Variants in WWOX observed in about 807,000 individuals in gnomAD.
The protein encoded by WWOX is WW domain containing oxidoreductase, also known as WW domain-containing oxidoreductase.
Under a neutral mutation model 46.2 loss-of-function variants are expected in WWOX, and 69 were observed. That is an observed-to-expected ratio of 1.49 (90% confidence interval 1.23 to 1.82). The LOEUF is 1.82. WWOX is among the 40% of genes most tolerant of loss of function. The pLI is 0.00. For synonymous variants in WWOX, 359 were observed against 202.6 expected (o/e 1.77, Z -6.56); for missense variants, 919 against 542.6 (o/e 1.69, Z -6.89).
chr16:78,728,338 A>AG (rs1250178464), intron 8 of WWOX, among the ~76,000 whole-genome samples: 4 of 151,992 alleles, frequency 2.6e-5, no homozygotes, highest in African/African-American at 7.2e-5. Flanking sequence ...CCAAAGTGCT[A>AG]GGATGATGAT....
At chr16:79,010,506 C>G (rs920729869) in intron 8 of WWOX, among the ~76,000 whole-genome samples, 8 of 152,082 alleles carry the variant, frequency 5.3e-5, no homozygotes, top group Non-Finnish European at 1.5e-5. Flanking sequence ...TGGGGATCCC[C>G]CAGGGAATAA....
At chr16:78,256,479 G>T (rs982425661) in intron 5 of WWOX, among the ~76,000 whole-genome samples, 8 of 151,872 alleles carry the variant, frequency 5.3e-5, no homozygotes, top group Admixed American at 2.0e-4. Context: ...CTCAGTCCAG[G>T]AGAGAAATGT....
At chr16:78,749,316 G>T (rs2049422954) in intron 8 of WWOX, among the ~76,000 whole-genome samples, 1 of 151,730 alleles carries the variant, frequency 6.6e-6, no homozygotes, top group African/African-American at 2.4e-5. Flanking sequence ...AGAGGAAAGG[G>T]GAAAAAAATG....
At chr16:78,190,235 C>G (rs1037229551) in intron 5 of WWOX, among the ~76,000 whole-genome samples, 1 of 152,132 alleles carries the variant, frequency 6.6e-6, no homozygotes, top group African/African-American at 2.4e-5. Context: ...ATCTGAAGGC[C>G]TAGGAGGTGC....
chr16:78,594,464 C>G (rs2045434349), intron 8 of WWOX, among the ~76,000 whole-genome samples: 1 of 124,832 alleles, frequency 8.0e-6, no homozygotes, highest in South Asian at 3.2e-4. Context: ...GTCCCGTTGT[C>G]TCTTGGCTGG....
At chr16:78,808,016 C>T (rs972805540) in intron 8 of WWOX, among the ~76,000 whole-genome samples, 1 of 152,156 alleles carries the variant, frequency 6.6e-6, no homozygotes, top group African/African-American at 2.4e-5. Context: ...GAATTAAAGT[C>T]AACCAGTTCA....
intron 5 of WWOX, chr16:78,355,631 G>A (rs995406166): frequency 1.7e-5 from 10 of 602,728 alleles, no homozygotes; most frequent in Admixed American, 2.0e-5. Context: ...AATGAGAAAC[G>A]ACCGAGAGCT....
chr16:78,383,454 G>C (rs909706833), intron 5 of WWOX, among the ~76,000 whole-genome samples: 2 of 152,174 alleles, frequency 1.3e-5, no homozygotes, highest in African/African-American at 2.4e-5. Context: ...GTCAGTTGCA[G>C]ATTCACTGCC....
chr16:78,771,916 A>G (rs2050074357), intron 8 of WWOX, among the ~76,000 whole-genome samples: 2 of 152,240 alleles, frequency 1.3e-5, no homozygotes, highest in African/African-American at 2.4e-5. Context: ...ATTGTACTAC[A>G]ATAAAAACCA....
chr16:79,031,012 A>T (rs1442417118), intron 8 of WWOX, among the ~76,000 whole-genome samples: 8 of 149,744 alleles, frequency 5.3e-5, no homozygotes, highest in Non-Finnish European at 1.5e-5. Context: ...GAATCACCCG[A>T]GGCTGGGGAG....
At chr16:78,893,032 G>C (rs8048092) in intron 8 of WWOX, among the ~76,000 whole-genome samples, 67,486 of 152,028 alleles carry the variant, frequency 0.44, 15,010 homozygotes, top group Admixed American at 0.49. Context: ...TAGCAGAGCA[G>C]GGGTCCTCAA....
chr16:78,698,063 G>A (rs961446974), intron 8 of WWOX, among the ~76,000 whole-genome samples: 1 of 152,196 alleles, frequency 6.6e-6, no homozygotes, highest in Non-Finnish European at 1.5e-5. Context: ...TACTTAAAAT[G>A]ATGTAAAGTG....
intron 5 of WWOX, among the ~76,000 whole-genome samples, chr16:78,334,952 G>C (rs1034921404): frequency 6.7e-6 from 1 of 150,120 alleles, no homozygotes; most frequent in Non-Finnish European, 1.5e-5. Context: ...AGCAAAATGT[G>C]AGATGGGCGT....
At chr16:78,443,220 A>G (rs1157572425) in intron 8 of WWOX, among the ~76,000 whole-genome samples, 1 of 148,904 alleles carries the variant, frequency 6.7e-6, no homozygotes, top group African/African-American at 2.5e-5. Context: ...CATGAAAATC[A>G]CATGAACCTG....
intron 8 of WWOX, among the ~76,000 whole-genome samples, chr16:79,164,255 C>T (rs9925322): frequency 3.9e-5 from 6 of 152,308 alleles, no homozygotes; most frequent in Non-Finnish European, 7.3e-5. Flanking sequence ...ACCACTACCA[C>T]GCCACTTAGC....
At chr16:78,380,491 G>C (rs879941169) in intron 5 of WWOX, among the ~76,000 whole-genome samples, 4 of 152,156 alleles carry the variant, frequency 2.6e-5, no homozygotes, top group Admixed American at 2.6e-4. Flanking sequence ...CATTGGGCCA[G>C]TGACGACCCA....
At position 78,099,994 on chromosome 16, in the gene WWOX, G is replaced by C. The variant is rs1350150988; in HGVS notation, c.107+109G>C. On this transcript the variant is annotated intron_variant, in intron 1 of 8. Transcript: ENST00000566780. ...TCCAGCGCAGCGCGTGCGGTGCAAA[G>C]TGAAAGTAACTGTTAAGGAGCTTCA... is the stretch of plus-strand genomic sequence containing the variant. 4 of 1,511,252 alleles carry C rather than the reference G, an allele frequency of 2.6e-6. No homozygotes were observed. The East Asian group carries it at 7.8e-5, about 29-fold the overall frequency. The allele number at this position is 1,511,252 out of a possible 1,614,324, so 93.6% of individuals were successfully genotyped here.
At chr16:78,881,274 G>A (rs187616272) in intron 8 of WWOX, among the ~76,000 whole-genome samples, 1 of 152,230 alleles carries the variant, frequency 6.6e-6, no homozygotes, top group African/African-American at 2.4e-5. Flanking sequence ...AAAGTGCTAG[G>A]GTTACAGGCA....
intron 4 of WWOX, among the ~76,000 whole-genome samples, chr16:78,151,216 A>T (rs747648477): frequency 2.6e-5 from 4 of 152,072 alleles, no homozygotes; most frequent in African/African-American, 4.8e-5. Context: ...AGGAACCTGG[A>T]TGAAGACCCA....
Sources: gnomAD v4.1 joint callset for allele counts (sites outside exome capture counted in the v4.1 genomes callset) on GRCh38, gnomAD v4.1.1 for gene constraint, MANE v1.5 for transcripts, NCBI Gene and HGNC (gene_info 2026-07-23, HGNC 2026-07-21) for gene names.